The following CAND1 variants were observed in gnomAD, a reference collection of about 807,000 sequenced individuals.
CAND1 encodes cullin associated and neddylation dissociated 1, also known as cullin-associated NEDD8-dissociated protein 1.
In CAND1, 7 loss-of-function variants were observed where a neutral mutation model predicts 108.5. The observed-to-expected ratio is 0.06, with a 90% CI of 0.04 to 0.12. The LOEUF (loss-of-function observed/expected upper bound fraction) is 0.12, where lower values mean the gene tolerates loss of function less well. Ranked by LOEUF, CAND1 falls within the 10% of genes least tolerant of loss-of-function variation. The pLI, the probability that CAND1 is intolerant of heterozygous loss-of-function variation, is 1.00. For missense variants in CAND1, 941 were observed against 1,448.7 expected, an observed-to-expected ratio of 0.65 and a Z score of 5.69; for synonymous variants, 534 against 512.0, an observed-to-expected ratio of 1.04 and a Z score of -0.58.
chr12:67,306,102 A>G lies in CAND1; in HGVS notation c.2434A>G (p.Lys812Glu). 16 of 1,614,150 alleles carry G rather than the reference A, an allele frequency of 9.9e-6. No individual in the cohort carries two copies. Among genetic ancestry groups the G allele is most frequent in the Non-Finnish European group, 1.3e-5 (15 of 1,180,002 alleles). Residue 812 changes from lysine (K) to glutamate (E), a missense_variant, in exon 10 of 15, where the codon AAA becomes GAA. Lys to Glu is a moderately conservative substitution (Grantham distance 56). Around this residue, in one of 9 missense-constraint regions of CAND1, gnomAD observed 697 missense variants for 942.0 expected, o/e 0.74. Coordinates refer to ENST00000545606, the MANE Select transcript of CAND1 (RefSeq NM_018448.5). Reference sequence around the variant, plus strand: ...AGCTGCCCTTACTCGAGCATGCCCTAAAGAGGGACCAGCTGTAGTAGGTCA... The same window carrying G: ...AGCTGCCCTTACTCGAGCATGCCCTGAAGAGGGACCAGCTGTAGTAGGTCA... ...CVAALTRACP[K>E]EGPAVVGQFI...
intron 2 of CAND1, among the ~76,000 whole-genome samples, chr12:67,282,584 G>A (rs1432754351): frequency 1.3e-5 from 2 of 151,938 alleles, no homozygotes; most frequent in Non-Finnish European, 1.5e-5. Flanking sequence ...TAGAGACAAG[G>A]TCTCACTCTG....
At chr12:67,294,136 A>G (rs370550255) in intron 3 of CAND1, among the ~76,000 whole-genome samples, 19 of 152,306 alleles carry the variant, frequency 1.2e-4, no homozygotes, top group African/African-American at 4.3e-4. Context: ...TTAGCTATGT[A>G]TATATTTTTT....
Position 67,317,427 on chromosome 12 carries a change from C to T in CAND1, c.*4597C>T, listed in dbSNP as rs1266825754. On this transcript the variant is annotated 3_prime_UTR_variant, in exon 15 of 15. Transcript: ENST00000545606. ...GAGATTATTGCAAGTGCCTCCTTGC[C>T]CAGCCACATGTTGTTGATTTCTTTT... 1 of 151,850 alleles carries T rather than the reference C, an allele frequency of 6.6e-6. No individual in the cohort carries two copies. The highest frequency in any genetic ancestry group is 1.9e-4 in the East Asian group (1 of 5,188). The allele number at this position is 151,850 out of a possible 1,614,324, so 9.4% of individuals were successfully genotyped here.
chr12:67,307,282 C>T, intron 10 of CAND1, 115 bp from the exon 11 acceptor site: 2 of 720,382 alleles, frequency 2.8e-6, no homozygotes, highest in Non-Finnish European at 4.9e-6. Context: ...CCTTCTTGGC[C>T]AAGGAGAATT....
At chr12:67,272,262 A>G (rs907971266) in intron 1 of CAND1, among the ~76,000 whole-genome samples, 10 of 152,226 alleles carry the variant, frequency 6.6e-5, no homozygotes, top group African/African-American at 1.9e-4. Context: ...AGAGAATTTG[A>G]CCTAGTCACA....
rs746394296 is a variant in CAND1 at position 67,310,178 on chromosome 12, G to A, written c.3222G>A (p.Thr1074=). The change falls in exon 13 of 15, where the codon ACG becomes ACA. Residue 1074 remains threonine (T), a synonymous_variant. Transcript: ENST00000545606. ...TAGAAATGGGTCCATTTAAACATAC[G>A]GTTGATGATGGTCTGGATATTAGAA... The part of the protein sequence containing the change: ...REVEMGPFKH[T]VDDGLDIRKA... The A allele has an allele frequency of 5.0e-6, 8 of 1,612,794 alleles. No homozygotes were observed. Among genetic ancestry groups the A allele is most frequent in the African/African-American group, 1.3e-5 (1 of 74,958 alleles).
Position 67,297,607 on chromosome 12 carries a change from C to G in CAND1, c.692C>G (p.Thr231Arg), listed in dbSNP as rs1241025746. The change falls in exon 5 of 15, where the codon ACA becomes AGA. Residue 231 changes from threonine to arginine, a missense_variant. By Grantham distance (71) the Thr-to-Arg change is moderately conservative. Transcript: ENST00000545606. Reference sequence around the variant, plus strand: ...TCCAAAAATGATTCTATGTCAACAACAAGAACCTACATACAATGTATTGCT... The same window carrying G: ...TCCAAAAATGATTCTATGTCAACAAGAAGAACCTACATACAATGTATTGCT... ...ELSKNDSMST[T>R]RTYIQCIAAI... The G allele has an allele frequency of 9.9e-6, 16 of 1,613,930 alleles. No homozygotes were observed. Among genetic ancestry groups the G allele is most frequent in the Non-Finnish European group, 1.2e-5 (14 of 1,179,888 alleles).
Position 67,271,707 on chromosome 12 carries a change from A to G in CAND1, c.68+1922A>G, listed in dbSNP as rs149970204. On this transcript the variant is annotated intron_variant, in intron 1 of 14. Coordinates refer to ENST00000545606, the MANE Select transcript of CAND1 (RefSeq NM_018448.5). ...ATTTTGGTTGTACTGAATCAAAACA[A>G]TTCCTGGAGGATTAGTGTAATATTG... Among the ~76,000 whole-genome samples, 10 of 152,366 alleles carry G rather than the reference A, an allele frequency of 6.6e-5. No individual in the cohort carries two copies. In the East Asian group the frequency reaches 1.5e-3, roughly 23 times the overall value.
chr12:67,287,736 GGTTT>G lies in CAND1; in HGVS notation c.213-4885_213-4882del, dbSNP rs757926537. 6.7e-3 allele frequency among the ~76,000 whole-genome samples: 1,019 copies of G among 151,138 alleles called. 6 individuals carry two copies. Among genetic ancestry groups the G allele is most frequent in the African/African-American group, 0.024 (972 of 41,302 alleles). On this transcript the variant is annotated intron_variant, in intron 2 of 14. Coordinates refer to ENST00000545606, the MANE Select transcript of CAND1 (RefSeq NM_018448.5). ...TTCTGTGATTATTGCTTTCCTAATGGGTTTCTTTCTAATTTAAACATATAAAGGT... is the reference window on the plus strand; with the variant it reads ...TTCTGTGATTATTGCTTTCCTAATGGCTTTCTAATTTAAACATATAAAGGT...
chr12:67,299,329 G>A (rs2044801031), intron 7 of CAND1, among the ~76,000 whole-genome samples: 1 of 152,078 alleles, frequency 6.6e-6, no homozygotes, highest in Non-Finnish European at 1.5e-5. Context: ...TTAATAAGGT[G>A]AGTGAAAAGT....
At chr12:67,272,140 A>G (rs1239084313) in intron 1 of CAND1, among the ~76,000 whole-genome samples, 2 of 152,248 alleles carry the variant, frequency 1.3e-5, no homozygotes, top group Non-Finnish European at 2.9e-5. Context: ...CAAGGTTAAC[A>G]TTATGGAATG....
intron 8 of CAND1, among the ~76,000 whole-genome samples, chr12:67,304,391 C>A (rs2044857558): frequency 6.6e-6 from 1 of 152,134 alleles, no homozygotes; most frequent in Non-Finnish European, 1.5e-5. Context: ...TCTGTAATTT[C>A]TTATCAGTAT....
At chr12:67,294,407 GA>G (rs2044749768) in intron 3 of CAND1, among the ~76,000 whole-genome samples, 1 of 151,852 alleles carries the variant, frequency 6.6e-6, no homozygotes, top group African/African-American at 2.4e-5. Context: ...TTTTTTTAAA[GA>G]AGCTGCTAAG....
At chr12:67,274,030 T>C (rs938130592) in intron 1 of CAND1, among the ~76,000 whole-genome samples, 2 of 152,186 alleles carry the variant, frequency 1.3e-5, no homozygotes, top group South Asian at 2.1e-4. Flanking sequence ...CTGGGACTTA[T>C]AGGATCTCTT....
At position 67,312,229 on chromosome 12, in the gene CAND1, C is replaced by T. The variant is rs549310453; in HGVS notation, c.3469-377C>T. On this transcript the variant is annotated intron_variant, in intron 14 of 14. Coordinates refer to ENST00000545606, the MANE Select transcript of CAND1 (RefSeq NM_018448.5). ...TTGAATAAAGGCCTGGAGATGTCAT[C>T]ATATGGTGTGTTTGAAAAAGTGAAT... 7.3e-5 allele frequency among the ~76,000 whole-genome samples: 11 copies of T among 151,546 alleles called. No homozygotes were observed. In the South Asian group the frequency reaches 2.3e-3, roughly 32 times the overall value.
At position 67,305,091 on chromosome 12, in the gene CAND1, G is replaced by A. The variant is rs780001996; in HGVS notation, c.1436-13G>A. On this transcript the variant is annotated splice_polypyrimidine_tract_variant and intron_variant, in intron 9 of 14. Transcript: ENST00000545606. The surrounding 1 kb of genome is among the most constrained non-coding windows in gnomAD (Gnocchi z 4.4). ...CTGCACAGCAATGATTGGATTTTTTGTTGGCTTTTTAGGAATCATTTTCTC... is the reference window on the plus strand; with the variant it reads ...CTGCACAGCAATGATTGGATTTTTTATTGGCTTTTTAGGAATCATTTTCTC... 1.3e-6 allele frequency: 2 copies of A among 1,596,346 alleles called. No individual in the cohort carries two copies. The highest frequency in any genetic ancestry group is 2.3e-5 in the South Asian group (2 of 88,028).
chr12:67,269,839 C>T, intron 1 of CAND1, 54 bp downstream of exon 1: 2 of 1,497,672 alleles, frequency 1.3e-6, no homozygotes, highest in Non-Finnish European at 1.8e-6. Context: ...AGCCGCGGCC[C>T]TGGCCGTCAC....
At chr12:67,294,959 G>T in intron 3 of CAND1, 74 bp from the exon 4 acceptor site, 9 of 1,470,626 alleles carry the variant, frequency 6.1e-6, no homozygotes, top group East Asian at 2.4e-5. Context: ...TTAAATATTT[G>T]GTAACTACCA....
chr12:67,290,251 C>T (rs2044710216), intron 2 of CAND1, among the ~76,000 whole-genome samples: 1 of 152,168 alleles, frequency 6.6e-6, no homozygotes, highest in African/African-American at 2.4e-5. Context: ...TGGCTTATGC[C>T]TGTAATCCCA....
Sources: gnomAD v4.1 joint callset for allele counts (sites outside exome capture counted in the v4.1 genomes callset) on GRCh38, gnomAD v4.1.1 for gene constraint, gnomAD v4.1.1 regional missense constraint, Gnocchi (gnomAD v3.1) non-coding constraint, MANE v1.5 for transcripts, NCBI Gene and HGNC (gene_info 2026-07-23, HGNC 2026-07-21) for gene names.